The following TNFSF13B variants were observed in gnomAD, a reference collection of about 807,000 sequenced individuals.
TNFSF13B encodes TNF superfamily member 13b, also known as tumor necrosis factor ligand superfamily member 13B.
A neutral mutation model predicts 29.1 loss-of-function variants in TNFSF13B; 8 were observed. That is an observed-to-expected ratio of 0.27 (90% CI 0.16 to 0.50). The LOEUF (loss-of-function observed/expected upper bound fraction) is 0.50, where lower values mean the gene tolerates loss of function less well. TNFSF13B is among the 20% of genes least tolerant of loss of function. The pLI is 0.98. For synonymous variants in TNFSF13B, 125 were observed against 130.8 expected, an observed-to-expected ratio of 0.96 and a Z score of 0.30; for missense variants, 248 against 334.9, an observed-to-expected ratio of 0.74 and a Z score of 2.03.
intron 2 of TNFSF13B, 145 bp from the exon 3 acceptor site, chr13:108,286,658 G>A: frequency 4.8e-6 from 2 of 419,922 alleles, no homozygotes; most frequent in South Asian, 3.2e-5. Context: ...CAAATATAAA[G>A]TAACTTTAAG....
At position 108,306,809 on chromosome 13, in the gene TNFSF13B, A is replaced by C; in HGVS notation, c.746-17A>C. The C allele has an allele frequency of 6.9e-7, 1 of 1,458,972 alleles. No homozygotes were observed. Among genetic ancestry groups the C allele is most frequent in the Non-Finnish European group, 9.6e-7 (1 of 1,040,602 alleles). 90.4% of individuals were successfully genotyped at this position (1,458,972 alleles called of 1,614,324 possible). On this transcript the variant is annotated splice_polypyrimidine_tract_variant and intron_variant, in intron 5 of 5. Transcript: ENST00000375887. ...TTGTATAACCACTTATAGTTCTTGTAAATCATTTTTTCCCAGGCATTGCAA... is the reference window on the plus strand; with the variant it reads ...TTGTATAACCACTTATAGTTCTTGTCAATCATTTTTTCCCAGGCATTGCAA...
intron 3 of TNFSF13B, among the ~76,000 whole-genome samples, chr13:108,302,005 G>A (rs1041733692): frequency 1.3e-5 from 2 of 152,116 alleles, no homozygotes; most frequent in Admixed American, 6.5e-5. Flanking sequence ...TGTGAAGAAG[G>A]CATGTACACT....
intron 2 of TNFSF13B, among the ~76,000 whole-genome samples, chr13:108,285,949 A>C (rs1456599232): frequency 6.6e-6 from 1 of 152,236 alleles, no homozygotes; most frequent in East Asian, 1.9e-4. Flanking sequence ...TTTTGCCTAA[A>C]GGCATTTCTC....
In TNFSF13B at chr13:108,306,836, ACT is replaced by A; in HGVS notation, c.757_758del (p.Leu253GlyfsTer5). On this transcript the variant is annotated frameshift_variant, in exon 6 of 6. Transcript: ENST00000375887. LOFTEE classifies it high-confidence loss of function. ...NSCYSAGIAK[L>X]EEGDELQLAI... ...ATCATTTTTTCCCAGGCATTGCAAA[ACT>A]GGAAGAAGGAGATGAACTCCAACTT... 6.2e-7 allele frequency: 1 copy of A among 1,607,894 alleles called. No homozygotes were observed. Among genetic ancestry groups the A allele is most frequent in the South Asian group, 1.1e-5 (1 of 90,772 alleles).
intron 1 of TNFSF13B, 43 bp downstream of exon 1, chr13:108,270,277 A>G (rs1366795275): frequency 3.1e-6 from 5 of 1,612,294 alleles, no homozygotes; most frequent in East Asian, 2.2e-5. Context: ...GATCCTGCCT[A>G]CACTGCTGCC....
At chr13:108,294,311 C>G (rs1457512105) in intron 3 of TNFSF13B, among the ~76,000 whole-genome samples, 1 of 151,856 alleles carries the variant, frequency 6.6e-6, no homozygotes, top group African/African-American at 2.4e-5. Flanking sequence ...TCCCGAGTAG[C>G]TGGGATTACA....
chr13:108,283,113 A>T (rs1881005966), intron 2 of TNFSF13B, among the ~76,000 whole-genome samples: 1 of 152,250 alleles, frequency 6.6e-6, no homozygotes, highest in African/African-American at 2.4e-5. Context: ...CTGAGCACTA[A>T]TCTCCAGCCT....
chr13:108,301,949 TA>T (rs1238200573), intron 3 of TNFSF13B, among the ~76,000 whole-genome samples: 4 of 152,192 alleles, frequency 2.6e-5, no homozygotes, highest in Non-Finnish European at 5.9e-5. Flanking sequence ...AAAAGAATTT[TA>T]TTTGGAAAAA....
intron 3 of TNFSF13B, among the ~76,000 whole-genome samples, chr13:108,298,591 A>G (rs568233463): frequency 6.9e-6 from 1 of 145,394 alleles, no homozygotes; most frequent in South Asian, 2.1e-4. Flanking sequence ...TTATCCTTTA[A>G]TATTATGTTG....
chr13:108,284,057 G>A lies in TNFSF13B; in HGVS notation c.425-2746G>A, dbSNP rs542363378. Among the ~76,000 whole-genome samples the A allele has an allele frequency of 7.9e-5, 12 of 152,278 alleles. No homozygotes were observed. In the East Asian group the frequency reaches 1.4e-3, roughly 17 times the overall value. On this transcript the variant is annotated intron_variant, in intron 2 of 5. Transcript: ENST00000375887. ...TTGAAATAGGAAGTCATGGCCGGGC[G>A]CAGTGGCTCACGTCTGTAATCCCAG... is the stretch of plus-strand genomic sequence containing the variant.
chr13:108,271,703 A>G (rs1473846453), intron 2 of TNFSF13B, among the ~76,000 whole-genome samples: 1 of 152,102 alleles, frequency 6.6e-6, no homozygotes, highest in Non-Finnish European at 1.5e-5. Context: ...TCTGCATTTT[A>G]TAGTCTATAT....
chr13:108,282,638 T>C (rs1880989470), intron 2 of TNFSF13B, among the ~76,000 whole-genome samples: 1 of 152,220 alleles, frequency 6.6e-6, no homozygotes, highest in Non-Finnish European at 1.5e-5. Context: ...AAACATTTTG[T>C]GATCATTATA....
At chr13:108,304,751 T>A (rs935914170) in intron 5 of TNFSF13B, among the ~76,000 whole-genome samples, 2 of 152,150 alleles carry the variant, frequency 1.3e-5, no homozygotes, top group Non-Finnish European at 2.9e-5. Context: ...AAATGCCCAA[T>A]AAGTCAGTTA....
chr13:108,291,496 A>G (rs945071924), intron 3 of TNFSF13B, among the ~76,000 whole-genome samples: 1 of 151,944 alleles, frequency 6.6e-6, no homozygotes, highest in Non-Finnish European at 1.5e-5. Context: ...GCTATGATAA[A>G]TAGAAACATT....
chr13:108,294,062 T>C (rs181688850), intron 3 of TNFSF13B, among the ~76,000 whole-genome samples: 72 of 152,322 alleles, frequency 4.7e-4, no homozygotes, highest in African/African-American at 1.7e-3. Flanking sequence ...TAAAATTTCC[T>C]TTTTAGATTA....
At chr13:108,304,052 G>C (rs988876724) in intron 5 of TNFSF13B, among the ~76,000 whole-genome samples, 1 of 152,140 alleles carries the variant, frequency 6.6e-6, no homozygotes, top group African/African-American at 2.4e-5. Flanking sequence ...CGCATTTAAG[G>C]GAGTTAGGAT....
rs369155139 is a variant in TNFSF13B at position 108,284,507 on chromosome 13, C to A, written c.425-2296C>A. Among the ~76,000 whole-genome samples the A allele has an allele frequency of 1.6e-4, 24 of 152,236 alleles. 1 individual carries two copies. The East Asian group carries it at 3.9e-3, about 24-fold the overall frequency. ...TCCATGATGTTTTCTAAGTTATTTG[C>A]CTTGATATTATTAAGAACAATAATG... On this transcript the variant is annotated intron_variant, in intron 2 of 5. Transcript: ENST00000375887.
rs775690861 is a variant in TNFSF13B, at chr13:108,303,231, T to C, written c.482-22T>C. 9 of 1,544,622 alleles carry C rather than the reference T, an allele frequency of 5.8e-6. 1 individual carries two copies. The highest frequency in any genetic ancestry group is 2.4e-5 in the South Asian group (2 of 83,750). Reference sequence around the variant, plus strand: ...CTGCTTTTCTTGGTTTCTTTCCTTATAAATGATTCTCTTCATTGCAGGATC... The same window carrying C: ...CTGCTTTTCTTGGTTTCTTTCCTTACAAATGATTCTCTTCATTGCAGGATC... On this transcript the variant is annotated intron_variant, in intron 3 of 5. Transcript: ENST00000375887.
Position 108,307,760 on chromosome 13 carries a change from A to G in TNFSF13B, c.*822A>G, listed in dbSNP as rs1881820532. Reference sequence around the variant, plus strand: ...GTGCATATATAACACATAATCTCCAACAGAAGTTACTGAATACATTCATAC... The same window carrying G: ...GTGCATATATAACACATAATCTCCAGCAGAAGTTACTGAATACATTCATAC... On this transcript the variant is annotated 3_prime_UTR_variant, in exon 6 of 6. Coordinates refer to ENST00000375887, the MANE Select transcript of TNFSF13B (RefSeq NM_006573.5). The G allele has an allele frequency of 6.6e-6, 1 of 152,076 alleles. No individual in the cohort carries two copies. The highest frequency in any genetic ancestry group is 1.5e-5 in the Non-Finnish European group (1 of 67,958). The allele number at this position is 152,076 out of a possible 1,614,324, so 9.4% of individuals were successfully genotyped here.
Sources: allele counts gnomAD v4.1 joint callset (sites outside exome capture counted in the v4.1 genomes callset), GRCh38; gene constraint gnomAD v4.1.1; transcripts MANE v1.5; gene names NCBI Gene and HGNC (gene_info 2026-07-23, HGNC 2026-07-21).